FAAP24: variants seen among roughly 807,000 people sequenced by gnomAD.
FAAP24 encodes the protein FA core complex associated protein 24.
FAAP24 carries 16 observed loss-of-function variants against 14.3 expected under a neutral mutation model. The observed-to-expected ratio is 1.12, with a 90% CI of 0.76 to 1.69. The LOEUF (loss-of-function observed/expected upper bound fraction) is 1.69, where lower values mean the gene tolerates loss of function less well. Ranked by LOEUF, FAAP24 falls within the 40% of genes most tolerant of loss-of-function variation. The pLI, the probability that FAAP24 is intolerant of heterozygous loss-of-function variation, is 0.00. For synonymous variants in FAAP24, 111 were observed against 106.2 expected (o/e 1.04, Z -0.28); for missense variants, 234 against 262.7 (o/e 0.89, Z 0.75).
At chr19:32,972,715 CTTT>C (rs56020597) in intron 1 of FAAP24, among the ~76,000 whole-genome samples, 1 of 100,738 alleles carries the variant, frequency 9.9e-6, no homozygotes, top group Non-Finnish European at 2.1e-5. Context: ...TTTTTCTTTT[CTTT>C]TTTTTTTTTT....
At position 32,973,167 on chromosome 19, in the gene FAAP24, G is replaced by A. The variant is rs781201147; in HGVS notation, c.-13-17G>A. On this transcript the variant is annotated splice_polypyrimidine_tract_variant and intron_variant, in intron 1 of 4. Transcript: ENST00000588258. ...AGGAGAGCCTGCTCAAGTGCCGCCT[G>A]GCTTTTCCCTCCTTAGGTGGAGACC... 15 of 1,604,966 alleles carry A rather than the reference G, an allele frequency of 9.3e-6. No individual in the cohort carries two copies. Among genetic ancestry groups the A allele is most frequent in the Non-Finnish European group, 1.2e-5 (14 of 1,173,994 alleles).
chr19:32,977,914 A>C lies in FAAP24; in HGVS notation c.*1232A>C, dbSNP rs1189582400. The C allele has an allele frequency of 7.5e-6, 1 of 132,728 alleles. No homozygotes were observed. 8.2% of individuals were successfully genotyped at this position (132,728 alleles called of 1,614,324 possible). A position where few individuals can be genotyped will look rare whatever the true frequency, so the allele number is the denominator to read the frequency against. ...AGCCTGGATGACAGAGTGAGACTCC[A>C]TCTCAAAAAAAAAAAAAAAAAATTT... On this transcript the variant is annotated 3_prime_UTR_variant, in exon 5 of 5. Coordinates refer to ENST00000588258, the MANE Select transcript of FAAP24 (RefSeq NM_152266.5).
intron 1 of FAAP24, 111 bp downstream of exon 1, chr19:32,972,457 T>C: frequency 2.5e-6 from 1 of 399,534 alleles, no homozygotes; most frequent in East Asian, 3.6e-5. Context: ...CCACAAATAA[T>C]TGGCAAACGG....
At position 32,977,775 on chromosome 19, in the gene FAAP24, T is replaced by A. The variant is rs1394610429; in HGVS notation, c.*1093T>A. 2.1e-5 allele frequency: 4 copies of A among 194,270 alleles called. No individual in the cohort carries two copies. Among genetic ancestry groups the A allele is most frequent in the Non-Finnish European group, 4.1e-5 (4 of 96,462 alleles). The allele number at this position is 194,270 out of a possible 1,614,324, so 12.0% of individuals were successfully genotyped here. ...CTCTACTAAAAATACAAAAATTAGC[T>A]GGGTGTGGTGGCACACACCTGTAAT... On this transcript the variant is annotated 3_prime_UTR_variant, in exon 5 of 5. Transcript: ENST00000588258.
rs562192558 is a variant in FAAP24 at position 32,977,789 on chromosome 19, C to T, written c.*1107C>T. Reference sequence around the variant, plus strand: ...CAAAAATTAGCTGGGTGTGGTGGCACACACCTGTAATCCCAACTACTCAGG... The same window carrying T: ...CAAAAATTAGCTGGGTGTGGTGGCATACACCTGTAATCCCAACTACTCAGG... On this transcript the variant is annotated 3_prime_UTR_variant, in exon 5 of 5. Transcript: ENST00000588258. 583 of 183,226 alleles carry T rather than the reference C, an allele frequency of 3.2e-3. 7 individuals carry two copies. Among genetic ancestry groups the T allele is most frequent in the African/African-American group, 8.9e-3 (381 of 42,816 alleles). 11.4% of individuals were successfully genotyped at this position (183,226 alleles called of 1,614,324 possible).
At chr19:32,973,119 G>A (rs1026138464) in intron 1 of FAAP24, 65 bp from the exon 2 acceptor site, 6 of 1,240,752 alleles carry the variant, frequency 4.8e-6, no homozygotes, top group African/African-American at 1.5e-5. Context: ...CCCTGGCTTG[G>A]AGTGGAATGC....
rs1445755187 is a variant in FAAP24 at position 32,973,562 on chromosome 19, T to A, written c.243T>A (p.Asn81Lys). The stretch of plus-strand genomic sequence containing the variant: ...GAAAGAGGCTTGTTCGGGTTAGAAA[T>A]GTAAGTATTAGGCTGGGTGCTGTGG... ...GYRKRLVRVRNSNNLKGIVVV... is the reference protein window; with the variant it reads ...GYRKRLVRVRKSNNLKGIVVV... Residue 81 changes from asparagine (N) to lysine (K), a missense_variant and splice_region_variant, in exon 3 of 5, where the codon AAT (asparagine) becomes AAA (lysine). Physicochemically the swap from Asn to Lys is moderately conservative, Grantham distance 94 (BLOSUM62 0). Coordinates refer to ENST00000588258, the MANE Select transcript of FAAP24 (RefSeq NM_152266.5). 1.2e-5 allele frequency: 19 copies of A among 1,613,868 alleles called. No individual in the cohort carries two copies. The Admixed American group carries it at 3.2e-4, about 27-fold the overall frequency.
At position 32,976,565 on chromosome 19, in the gene FAAP24, C is replaced by T. The variant is rs138046756; in HGVS notation, c.531C>T (p.Leu177=). Residue 177 remains leucine, a synonymous_variant, in exon 5 of 5, where the codon CTC becomes CTT. Transcript: ENST00000588258. ...TTGGAAAAGTTAAAGCTCCCCTTCT[C>T]CTCCAGAAGTTTCCAAGCATCCAGC... is the stretch of plus-strand genomic sequence containing the variant. The part of the protein sequence containing the change: ...PGVGKVKAPL[L]LQKFPSIQQL... 3.1e-6 allele frequency: 5 copies of T among 1,614,042 alleles called. No individual in the cohort carries two copies. Among genetic ancestry groups the T allele is most frequent in the Non-Finnish European group, 4.2e-6 (5 of 1,180,038 alleles).
chr19:32,973,648 A>G, intron 3 of FAAP24, 86 bp downstream of exon 3: 1 of 1,394,766 alleles, frequency 7.2e-7, no homozygotes, highest in African/African-American at 1.4e-5. Flanking sequence ...TGAGGTCAGT[A>G]GTTGGAGACC....
rs1971484353 is a variant in FAAP24, at chr19:32,974,040, C to A, written c.244-20C>A. On this transcript the variant is annotated intron_variant, in intron 3 of 4. Transcript: ENST00000588258. ...AGCAATTTGGTTGCAAAATGACTTA[C>A]TGTCTTTTTTCCTTTCAAGTCCAAT... The A allele has an allele frequency of 6.2e-7, 1 of 1,612,934 alleles. No homozygotes were observed. Among genetic ancestry groups the A allele is most frequent in the Non-Finnish European group, 8.5e-7 (1 of 1,179,402 alleles).
rs1971537509 is a variant in FAAP24 at position 32,977,573 on chromosome 19, T to G, written c.*891T>G. 2 of 394,962 alleles carry G rather than the reference T, an allele frequency of 5.1e-6. No homozygotes were observed. Among genetic ancestry groups the G allele is most frequent in the East Asian group, 7.3e-5 (2 of 27,586 alleles). 24.5% of individuals were successfully genotyped at this position (394,962 alleles called of 1,614,324 possible). A position where few individuals can be genotyped will look rare whatever the true frequency, so the allele number is the denominator to read the frequency against. On this transcript the variant is annotated 3_prime_UTR_variant, in exon 5 of 5. Coordinates refer to ENST00000588258, the MANE Select transcript of FAAP24 (RefSeq NM_152266.5). Reference sequence around the variant, plus strand: ...AGATGTACAGTTTGTTTATAATCACTGCATATGTCTTCTGCACACAGAAAG... The same window carrying G: ...AGATGTACAGTTTGTTTATAATCACGGCATATGTCTTCTGCACACAGAAAG...
At position 32,977,461 on chromosome 19, in the gene FAAP24, G is replaced by A. The variant is rs1389341272; in HGVS notation, c.*779G>A. On this transcript the variant is annotated 3_prime_UTR_variant, in exon 5 of 5. Transcript: ENST00000588258. Reference sequence around the variant, plus strand: ...GGCCTTCATATACCCGTACTGCGAGGGCTGTTTCCAATGTAAATAAATAAC... The same window carrying A: ...GGCCTTCATATACCCGTACTGCGAGAGCTGTTTCCAATGTAAATAAATAAC... 5.0e-6 allele frequency: 2 copies of A among 398,366 alleles called. No individual in the cohort carries two copies. Among genetic ancestry groups the A allele is most frequent in the Admixed American group, 8.8e-5 (2 of 22,686 alleles). The allele number at this position is 398,366 out of a possible 1,614,324, so 24.7% of individuals were successfully genotyped here. A position where few individuals can be genotyped will look rare whatever the true frequency, so the allele number is the denominator to read the frequency against.
In FAAP24 at chr19:32,972,277, G is replaced by C; in HGVS notation, c.-83G>C. 1 of 455,034 alleles carries C rather than the reference G, an allele frequency of 2.2e-6. No individual in the cohort carries two copies. The highest frequency in any genetic ancestry group is 3.1e-5 in the East Asian group (1 of 31,816). 28.2% of individuals were successfully genotyped at this position (455,034 alleles called of 1,614,324 possible). ...AAGGTGGCGCGGCCACCAGTAACAT[G>C]ATCTCTAGACTGGGACGGTGGGGTT... On this transcript the variant is annotated 5_prime_UTR_variant, in exon 1 of 5. It removes an upstream start codon present in the reference 5' UTR. Transcript: ENST00000588258.
In FAAP24 at chr19:32,973,516, T is replaced by C. The variant is rs753387489; in HGVS notation, c.197T>C (p.Leu66Ser). Residue 66 changes from leucine to serine, a missense_variant, in exon 3 of 5, where the codon TTG (leucine) becomes TCG (serine). Leu to Ser is a moderately radical substitution (Grantham distance 145, BLOSUM62 -2). Coordinates refer to ENST00000588258, the MANE Select transcript of FAAP24 (RefSeq NM_152266.5). Reference sequence around the variant, plus strand: ...ATTCTTTATGTCACCGAAGCTGATTTGGTGGCAGGAAATGGCTACAGAAAG... The same window carrying C: ...ATTCTTTATGTCACCGAAGCTGATTCGGTGGCAGGAAATGGCTACAGAAAG... ...CCILYVTEADLVAGNGYRKRL... is the reference protein window; with the variant it reads ...CCILYVTEADSVAGNGYRKRL... 9 of 1,614,230 alleles carry C rather than the reference T, an allele frequency of 5.6e-6. No individual in the cohort carries two copies. Among genetic ancestry groups the C allele is most frequent in the Non-Finnish European group, 7.6e-6 (9 of 1,180,034 alleles).
chr19:32,976,550 T>TA lies in FAAP24; in HGVS notation c.519dup (p.Ala174SerfsTer16). 6.2e-7 allele frequency: 1 copy of TA among 1,614,060 alleles called. No individual in the cohort carries two copies. The highest frequency in any genetic ancestry group is 2.2e-5 in the East Asian group (1 of 44,864). On this transcript the variant is annotated frameshift_variant, in exon 5 of 5. Transcript: ENST00000588258. LOFTEE classifies it high-confidence loss of function. ...AGCAGATCCCAGGAGTTGGAAAAGT[T>TA]AAAGCTCCCCTTCTCCTCCAGAAGT...
chr19:32,973,355 A>C (rs913701148), intron 2 of FAAP24, 53 bp downstream of exon 2: 4 of 1,598,156 alleles, frequency 2.5e-6, no homozygotes, highest in Non-Finnish European at 3.4e-6. Flanking sequence ...ATTAAAAAAA[A>C]AAAATCTGCC....
intron 1 of FAAP24, among the ~76,000 whole-genome samples, chr19:32,972,720 T>TTTC (rs962773493): frequency 7.7e-5 from 11 of 142,774 alleles, no homozygotes; most frequent in African/African-American, 2.9e-4. Context: ...CTTTTCTTTT[T>TTTC]TTTTTTTTTT....
intron 4 of FAAP24, 130 bp from the exon 5 acceptor site, chr19:32,976,301 C>A: frequency 8.9e-7 from 1 of 1,119,112 alleles, no homozygotes; most frequent in Non-Finnish European, 1.3e-6. Context: ...ATTCATGATA[C>A]ATGAAAACAT....
In FAAP24 at chr19:32,974,094, A is replaced by AAACCCGGATGAGTGAACAATACTTCCC. The variant is rs761618101; in HGVS notation, c.280_306dup (p.Thr94_Pro102dup). 6.2e-7 allele frequency: 1 copy of AAACCCGGATGAGTGAACAATACTTCCC among 1,614,146 alleles called. No individual in the cohort carries two copies. Among genetic ancestry groups the AAACCCGGATGAGTGAACAATACTTCCC allele is most frequent in the South Asian group, 1.1e-5 (1 of 91,080 alleles). On this transcript the variant is annotated inframe_insertion, in exon 4 of 5. Coordinates refer to ENST00000588258, the MANE Select transcript of FAAP24 (RefSeq NM_152266.5). ...CTTAAAGGAATTGTAGTCGTTGAAA[A>AAACCCGGATGAGTGAACAATACTTCCC]AACCCGGATGAGTGAACAATACTTC...
Sources: allele counts gnomAD v4.1 joint callset (sites outside exome capture counted in the v4.1 genomes callset), GRCh38; gene constraint gnomAD v4.1.1; transcripts MANE v1.5; gene names NCBI Gene and HGNC (gene_info 2026-07-23, HGNC 2026-07-21).